Variants in PTPRD observed in about 807,000 individuals in gnomAD.
PTPRD encodes the protein protein tyrosine phosphatase receptor type D.
PTPRD carries 34 observed loss-of-function variants against 214.5 expected under a neutral mutation model. The ratio of observed to expected loss-of-function variants is 0.16; its 90% CI spans 0.12 to 0.21. The LOEUF is 0.21. PTPRD is among the 10% of genes least tolerant of loss of function. PTPRD has a pLI of 1.00. For synonymous variants in PTPRD, 1,128 were observed against 845.7 expected, an observed-to-expected ratio of 1.33 and a Z score of -5.79; for missense variants, 2,545 against 2,398.7, an observed-to-expected ratio of 1.06 and a Z score of -1.27.
At chr9:8,675,180 C>T (rs1182588264) in intron 12 of PTPRD, among the ~76,000 whole-genome samples, 2 of 152,004 alleles carry the variant, frequency 1.3e-5, no homozygotes, top group African/African-American at 4.8e-5. Flanking sequence ...TGATTCCACC[C>T]GGGTTTGAAA....
At chr9:10,600,183 T>C (rs2077606871) in intron 2 of PTPRD, among the ~76,000 whole-genome samples, 2 of 151,748 alleles carry the variant, frequency 1.3e-5, no homozygotes, top group Non-Finnish European at 2.9e-5. Context: ...GTTTAAACCA[T>C]TATATAAATC....
intron 9 of PTPRD, among the ~76,000 whole-genome samples, chr9:9,396,832 G>A (rs536571265): frequency 4.6e-5 from 7 of 152,152 alleles, no homozygotes; most frequent in African/African-American, 1.7e-4. Context: ...GCAATGTGCA[G>A]AGAATCCTTG....
chr9:10,141,111 G>C (rs578072750), intron 3 of PTPRD, among the ~76,000 whole-genome samples: 30 of 152,100 alleles, frequency 2.0e-4, no homozygotes, highest in African/African-American at 7.0e-4. Flanking sequence ...AAAATAATAA[G>C]AGCTATCTAT....
intron 8 of PTPRD, among the ~76,000 whole-genome samples, chr9:9,507,220 T>G (rs1013403938): frequency 2.7e-5 from 4 of 147,684 alleles, no homozygotes; most frequent in South Asian, 2.1e-4. Flanking sequence ...CAATTTTGTC[T>G]GAAAAGAAGC....
intron 9 of PTPRD, among the ~76,000 whole-genome samples, chr9:9,332,612 G>T (rs1283767296): frequency 6.6e-6 from 1 of 151,288 alleles, no homozygotes; most frequent in African/African-American, 2.4e-5. Context: ...GAGCTTGGGA[G>T]TCTCTCCCCA....
At chr9:8,962,429 G>T (rs1015418544) in intron 11 of PTPRD, among the ~76,000 whole-genome samples, 1 of 152,052 alleles carries the variant, frequency 6.6e-6, no homozygotes, top group Non-Finnish European at 1.5e-5. Flanking sequence ...GGATTGGAAG[G>T]TGGGAAGATG....
At chr9:9,712,520 C>T (rs1381520310) in intron 7 of PTPRD, among the ~76,000 whole-genome samples, 1 of 152,168 alleles carries the variant, frequency 6.6e-6, no homozygotes, top group Non-Finnish European at 1.5e-5. Flanking sequence ...AATACTACCC[C>T]ACGAGTAAAG....
chr9:9,679,739 A>G (rs2097024841), intron 7 of PTPRD, among the ~76,000 whole-genome samples: 1 of 151,930 alleles, frequency 6.6e-6, no homozygotes, highest in African/African-American at 2.4e-5. Context: ...AAAGGAAAAT[A>G]ACCAAAATCA....
chr9:9,526,313 G>A (rs901582246), intron 8 of PTPRD, among the ~76,000 whole-genome samples: 1 of 152,170 alleles, frequency 6.6e-6, no homozygotes, highest in South Asian at 2.1e-4. Context: ...GTACTTGGGT[G>A]GGCATGGACA....
intron 30 of PTPRD, among the ~76,000 whole-genome samples, chr9:8,472,237 T>C (rs548814367): frequency 2.0e-5 from 3 of 152,230 alleles, no homozygotes; most frequent in African/African-American, 7.2e-5. Flanking sequence ...AAGGACTCCA[T>C]ACACTTCGTG....
intron 8 of PTPRD, among the ~76,000 whole-genome samples, chr9:9,539,451 A>C (rs1014361987): frequency 6.6e-6 from 1 of 151,874 alleles, no homozygotes; most frequent in African/African-American, 2.4e-5. Flanking sequence ...TACATTTCTC[A>C]TAAGTCATGA....
intron 2 of PTPRD, among the ~76,000 whole-genome samples, chr9:10,592,919 T>A (rs1469252387): frequency 6.6e-6 from 1 of 151,926 alleles, no homozygotes; most frequent in African/African-American, 2.4e-5. Context: ...CCTGCTCTTG[T>A]CCCCTTCCAC....
chr9:9,781,617 TCAA>T (rs988626385), intron 5 of PTPRD, among the ~76,000 whole-genome samples: 1 of 152,146 alleles, frequency 6.6e-6, no homozygotes, highest in African/African-American at 2.4e-5. Context: ...CAGTAGGTGC[TCAA>T]CAAGTGTTTC....
intron 3 of PTPRD, among the ~76,000 whole-genome samples, chr9:10,241,403 G>A (rs1029746114): frequency 1.3e-5 from 2 of 151,890 alleles, no homozygotes; most frequent in Non-Finnish European, 2.9e-5. Flanking sequence ...GTAAATAAAC[G>A]TTCATAGAAG....
chr9:8,885,903 G>A (rs1030299574), intron 11 of PTPRD, among the ~76,000 whole-genome samples: 5 of 152,140 alleles, frequency 3.3e-5, no homozygotes, highest in East Asian at 1.9e-4. Flanking sequence ...ATTTCCACGC[G>A]CTTAATTGTG....
intron 10 of PTPRD, among the ~76,000 whole-genome samples, chr9:9,020,438 T>C (rs978954788): frequency 1.3e-5 from 2 of 152,054 alleles, no homozygotes; most frequent in Non-Finnish European, 2.9e-5. Context: ...ACAGTTGACA[T>C]AAAAGATGCT....
chr9:8,808,676 T>C (rs2096738168), intron 11 of PTPRD, among the ~76,000 whole-genome samples: 1 of 151,976 alleles, frequency 6.6e-6, no homozygotes, highest in African/African-American at 2.4e-5. Context: ...TTTGACCTTG[T>C]AAATTATTAA....
At chr9:10,181,091 T>C (rs1387846787) in intron 3 of PTPRD, among the ~76,000 whole-genome samples, 2 of 152,072 alleles carry the variant, frequency 1.3e-5, no homozygotes, top group Admixed American at 6.6e-5. Flanking sequence ...ATGCATCATA[T>C]AGGCTTGAAA....
chr9:8,341,126 G>C lies in PTPRD; in HGVS notation c.5090C>G (p.Ser1697Cys), dbSNP rs1393109549. The part of the protein sequence containing the change: ...CLQPIRGVEG[S>C]DYINASFIDG... ...AATAAAACTGGCATTGATGTAATCAGATCCTTCTACTCCACGGATAGGCTG... is the reference window on the plus strand; with the variant it reads ...AATAAAACTGGCATTGATGTAATCACATCCTTCTACTCCACGGATAGGCTG... Residue 1697 changes from serine to cysteine, a missense_variant, in exon 41 of 46, where the codon TCT becomes TGT. By Grantham distance (112) the Ser-to-Cys change is moderately radical. Transcript: ENST00000381196. 4 of 1,612,586 alleles carry C rather than the reference G, an allele frequency of 2.5e-6. No individual in the cohort carries two copies. In the East Asian group the frequency reaches 6.7e-5, roughly 27 times the overall value.
Sources: gnomAD v4.1 joint callset for allele counts (sites outside exome capture counted in the v4.1 genomes callset) on GRCh38, gnomAD v4.1.1 for gene constraint, MANE v1.5 for transcripts, NCBI Gene and HGNC (gene_info 2026-07-23, HGNC 2026-07-21) for gene names.